SLX4IP: variants seen among roughly 807,000 people sequenced by gnomAD.
SLX4IP encodes SLX4 interacting protein.
SLX4IP carries 34 observed loss-of-function variants against 32.9 expected under a neutral mutation model. The ratio of observed to expected loss-of-function variants is 1.03; its 90% CI spans 0.79 to 1.38. The LOEUF is 1.38. Ranked by LOEUF, SLX4IP falls within the 40% of genes most tolerant of loss-of-function variation. The pLI is 0.00. For synonymous variants in SLX4IP, 172 were observed against 171.7 expected, an observed-to-expected ratio of 1.00 and a Z score of -0.01; for missense variants, 444 against 479.0, an observed-to-expected ratio of 0.93 and a Z score of 0.68.
chr20:10,464,421 C>T (rs2065363697), intron 2 of SLX4IP, among the ~76,000 whole-genome samples: 1 of 152,144 alleles, frequency 6.6e-6, no homozygotes, highest in Non-Finnish European at 1.5e-5. Context: ...TGGTTCACAT[C>T]TGTAATCCCT....
At chr20:10,539,408 T>G (rs2066079624) in intron 2 of SLX4IP, among the ~76,000 whole-genome samples, 1 of 152,078 alleles carries the variant, frequency 6.6e-6, no homozygotes, top group Non-Finnish European at 1.5e-5. Context: ...CTCTAATTAG[T>G]AAATCTGTAG....
At chr20:10,529,702 C>T (rs1256101778) in intron 2 of SLX4IP, among the ~76,000 whole-genome samples, 2 of 150,830 alleles carry the variant, frequency 1.3e-5, no homozygotes, top group African/African-American at 2.4e-5. Flanking sequence ...GGAGGAACAC[C>T]AAAATCATTG....
At chr20:10,445,463 G>A (rs2065194647) in intron 1 of SLX4IP, among the ~76,000 whole-genome samples, 1 of 150,352 alleles carries the variant, frequency 6.7e-6, no homozygotes, top group Non-Finnish European at 1.5e-5. Context: ...TTACAGGTGT[G>A]CACCAAGACG....
chr20:10,618,223 C>G (rs759013154), intron 6 of SLX4IP, among the ~76,000 whole-genome samples: 1 of 152,144 alleles, frequency 6.6e-6, no homozygotes, highest in Admixed American at 6.5e-5. Context: ...CCCCAAAGAT[C>G]GAGAAAAGTC....
chr20:10,546,028 A>C (rs1368584148), intron 2 of SLX4IP, among the ~76,000 whole-genome samples: 1 of 152,248 alleles, frequency 6.6e-6, no homozygotes, highest in Non-Finnish European at 1.5e-5. Flanking sequence ...TCAAAGCCAC[A>C]TTCCAATGCC....
intron 2 of SLX4IP, among the ~76,000 whole-genome samples, chr20:10,530,837 C>T (rs555240734): frequency 6.6e-6 from 1 of 152,122 alleles, no homozygotes; most frequent in African/African-American, 2.4e-5. Flanking sequence ...TCCAAAAAAC[C>T]AACTTCGTAG....
At chr20:10,476,292 T>G (rs952169794) in intron 2 of SLX4IP, among the ~76,000 whole-genome samples, 1 of 152,216 alleles carries the variant, frequency 6.6e-6, no homozygotes, top group Non-Finnish European at 1.5e-5. Context: ...GGACCCAACC[T>G]TCAGTAGCAT....
At chr20:10,567,246 G>A (rs527842578) in intron 4 of SLX4IP, among the ~76,000 whole-genome samples, 16 of 152,258 alleles carry the variant, frequency 1.1e-4, no homozygotes, top group Admixed American at 7.8e-4. Context: ...CCTGAATGGG[G>A]CTTGCTGTGG....
chr20:10,622,544 A>G, intron 7 of SLX4IP, 115 bp from the exon 8 acceptor site: 12 of 1,384,072 alleles, frequency 8.7e-6, no homozygotes, highest in Non-Finnish European at 1.2e-5. Flanking sequence ...GGGAAGCGAG[A>G]GGGCAGGTAG....
At chr20:10,554,197 A>G (rs767813140) in intron 2 of SLX4IP, among the ~76,000 whole-genome samples, 5 of 152,214 alleles carry the variant, frequency 3.3e-5, no homozygotes, top group Non-Finnish European at 7.3e-5. Flanking sequence ...AATTATATAT[A>G]GATGGAACCA....
intron 1 of SLX4IP, among the ~76,000 whole-genome samples, chr20:10,441,333 G>T (rs1414700608): frequency 6.6e-6 from 1 of 152,150 alleles, no homozygotes; most frequent in African/African-American, 2.4e-5. Flanking sequence ...CTACTCGGAA[G>T]GCTGAGGCAG....
intron 2 of SLX4IP, among the ~76,000 whole-genome samples, chr20:10,553,938 A>T (rs2066243120): frequency 6.6e-6 from 1 of 152,224 alleles, no homozygotes; most frequent in South Asian, 2.1e-4. Flanking sequence ...CGTAATACCT[A>T]CATTTTAAAT....
chr20:10,598,776 G>A (rs2066805405), intron 5 of SLX4IP, 24 bp downstream of exon 5: 1 of 1,610,200 alleles, frequency 6.2e-7, no homozygotes, highest in African/African-American at 1.3e-5. Context: ...TTCTTGGTTT[G>A]TCAGACATTT....
chr20:10,621,957 T>G (rs764260880), intron 7 of SLX4IP, among the ~76,000 whole-genome samples: 8 of 152,362 alleles, frequency 5.3e-5, no homozygotes, highest in South Asian at 4.1e-4. Flanking sequence ...GCTTCTATCC[T>G]GCCCCTCAAA....
At chr20:10,508,958 G>C (rs1568715131) in intron 2 of SLX4IP, among the ~76,000 whole-genome samples, 1 of 152,122 alleles carries the variant, frequency 6.6e-6, no homozygotes, top group Non-Finnish European at 1.5e-5. Context: ...TTTGATACTG[G>C]CTGGCAGACA....
chr20:10,601,509 C>G (rs886098686), intron 5 of SLX4IP, among the ~76,000 whole-genome samples: 1 of 152,086 alleles, frequency 6.6e-6, no homozygotes, highest in Non-Finnish European at 1.5e-5. Flanking sequence ...GGTCCCGGGG[C>G]GCAGGTGGAC....
rs151010679 is a variant in SLX4IP, at chr20:10,558,324, A to T, written c.117+2004A>T. On this transcript the variant is annotated intron_variant, in intron 3 of 7. Coordinates refer to ENST00000334534, the MANE Select transcript of SLX4IP (RefSeq NM_001009608.3). The stretch of plus-strand genomic sequence containing the variant: ...GCCACTGAACTCCACCATGGGTGGC[A>T]GAGTGAGACCCTGTCTCAAAAAAAA... 5.3e-3 allele frequency among the ~76,000 whole-genome samples: 759 copies of T among 144,070 alleles called. 2 individuals are homozygous for T. The highest frequency in any genetic ancestry group is 9.2e-3 in the Non-Finnish European group (608 of 66,348). 94.5% of individuals were successfully genotyped at this position (144,070 alleles called of 152,430 possible). A position where few individuals can be genotyped will look rare whatever the true frequency, so the allele number is the denominator to read the frequency against.
chr20:10,563,025 C>T (rs1475862224), intron 4 of SLX4IP, among the ~76,000 whole-genome samples: 2 of 152,188 alleles, frequency 1.3e-5, no homozygotes, highest in Admixed American at 6.5e-5. Context: ...TTTAAATTCC[C>T]GTGAATCATG....
At chr20:10,609,325 C>T (rs2066940164) in intron 6 of SLX4IP, among the ~76,000 whole-genome samples, 1 of 152,242 alleles carries the variant, frequency 6.6e-6, no homozygotes, top group Admixed American at 6.5e-5. Context: ...ATTCAATACT[C>T]ATTTTCCCAA....
Sources: allele counts gnomAD v4.1 joint callset (sites outside exome capture counted in the v4.1 genomes callset), GRCh38; gene constraint gnomAD v4.1.1; transcripts MANE v1.5; gene names NCBI Gene and HGNC (gene_info 2026-07-23, HGNC 2026-07-21).